AMHR2: variants seen among roughly 807,000 people sequenced by gnomAD.
AMHR2 encodes anti-Muellerian hormone type-2 receptor.
AMHR2 carries 36 observed loss-of-function variants against 61.4 expected under a neutral mutation model. That is an observed-to-expected ratio of 0.59 (90% confidence interval 0.45 to 0.77). AMHR2 has a LOEUF of 0.77. Among genes scored for constraint, AMHR2 ranks in the 30% least tolerant of loss-of-function variants. AMHR2 has a pLI of 0.00. For missense variants in AMHR2, 638 were observed against 714.6 expected (o/e 0.89, Z 1.22); for synonymous variants, 258 against 279.4 (o/e 0.92, Z 0.76).
chr12:53,430,790 T>G, intron 10 of AMHR2: 1 of 365,538 alleles, frequency 2.7e-6, no homozygotes, highest in South Asian at 2.9e-5. Flanking sequence ...ACAAATACTT[T>G]TTTAACAAAA....
Position 53,425,571 on chromosome 12 carries a change from C to A in AMHR2, c.619C>A (p.Gln207Lys), listed in dbSNP as rs749153412. The A allele has an allele frequency of 1.2e-6, 2 of 1,613,750 alleles. No homozygotes were observed. Among genetic ancestry groups the A allele is most frequent in the Admixed American group, 3.3e-5 (2 of 59,986 alleles). The change falls in exon 5 of 11, where the codon CAG (glutamine) becomes AAG (lysine). Residue 207 changes from glutamine to lysine, a missense_variant and splice_region_variant. Coordinates refer to ENST00000257863, the MANE Select transcript of AMHR2 (RefSeq NM_020547.3). The part of the protein sequence containing the change: ...LQELPELCFS[Q>K]VIREGGHAVV... The stretch of plus-strand genomic sequence containing the variant: ...GGAGCTGCCTGAGCTGTGTTTCTCC[C>A]AGGTGCCCCAGGGAGGGAGAGAAGG...
chr12:53,425,198 G>A lies in AMHR2; in HGVS notation c.458G>A (p.Gly153Glu), dbSNP rs1203379852. The A allele has an allele frequency of 1.9e-6, 3 of 1,613,696 alleles. No individual in the cohort carries two copies. The highest frequency in any genetic ancestry group is 3.3e-5 in the Admixed American group (2 of 59,980). ...ESIWMALVLL[G>E]LFLLLLLLLG... ...ATCTGGATGGCACTGGTGCTGCTGG[G>A]GCTGTTCCTCCTCCTCCTGCTGCTG... is the stretch of plus-strand genomic sequence containing the variant. Residue 153 changes from glycine (G) to glutamate (E), a missense_variant, in exon 4 of 11, where the codon GGG (glycine) becomes GAG (glutamate). Physicochemically the swap from Gly to Glu is moderately conservative, Grantham distance 98. Coordinates refer to ENST00000257863, the MANE Select transcript of AMHR2 (RefSeq NM_020547.3).
chr12:53,425,027 G>A lies in AMHR2; in HGVS notation c.424+127G>A, dbSNP rs1032233956. On this transcript the variant is annotated intron_variant, in intron 3 of 10. Coordinates refer to ENST00000257863, the MANE Select transcript of AMHR2 (RefSeq NM_020547.3). ...TCCTCCTCCTGGCCTTGGGAAGTTG[G>A]TTGCCCTGGTGACTGGGAGATAAGG... The A allele has an allele frequency of 3.2e-6, 5 of 1,574,796 alleles. No homozygotes were observed. In the African/African-American group the frequency reaches 5.4e-5, roughly 17 times the overall value.
intron 5 of AMHR2, 27 bp from the exon 6 acceptor site, chr12:53,425,662 C>T (rs1041369932): frequency 6.2e-6 from 10 of 1,613,244 alleles, no homozygotes; most frequent in Non-Finnish European, 7.6e-6. Context: ...GCTCAGAGGC[C>T]CACACTCAGC....
At position 53,429,485 on chromosome 12, in the gene AMHR2, CT is replaced by C. The variant is rs776364027; in HGVS notation, c.1001del (p.Leu334ArgfsTer88). 1.2e-6 allele frequency: 2 copies of C among 1,613,680 alleles called. No homozygotes were observed. Among genetic ancestry groups the C allele is most frequent in the Non-Finnish European group, 1.7e-6 (2 of 1,179,986 alleles). ...QYKPGIAHRD[L>X]SSQNVLIRED... The stretch of plus-strand genomic sequence containing the variant: ...TAAACCAGGTATTGCCCACCGAGAT[CT>C]GAGCAGCCAGAATGTGCTCATTCGG... On this transcript the variant is annotated frameshift_variant, in exon 8 of 11. Transcript: ENST00000257863. LOFTEE classifies it high-confidence loss of function.
At position 53,431,387 on chromosome 12, in the gene AMHR2, C is replaced by T. The variant is rs1200415984; in HGVS notation, c.1636C>T (p.Pro546Ser). The T allele has an allele frequency of 1.2e-6, 2 of 1,614,252 alleles. No individual in the cohort carries two copies. The highest frequency in any genetic ancestry group is 2.2e-5 in the South Asian group (2 of 91,082). ...TGCCCCTACCATCCTCCCCTGTAGG[C>T]CTCAGCGGAGTGCCTGCCACTTCAG... Reference protein sequence around the residue: ...IPAPTILPCRPQRSACHFSVQ... With the variant: ...IPAPTILPCRSQRSACHFSVQ... The change falls in exon 11 of 11, where the codon CCT becomes TCT. Residue 546 changes from proline (P) to serine (S), a missense_variant. Physicochemically the swap from Pro to Ser is moderately conservative, Grantham distance 74. Transcript: ENST00000257863.
chr12:53,431,191 G>A lies in AMHR2; in HGVS notation c.1440G>A (p.Leu480=). ...WRCFATDPDG[L]RELLEDCWDA... ...ATTCCCCCCAGGACCCTGATGGGCT[G>A]AGGGAGCTCCTAGAAGACTGTTGGG... The change falls in exon 11 of 11, where the codon CTG becomes CTA. Residue 480 remains leucine, a synonymous_variant. Coordinates refer to ENST00000257863, the MANE Select transcript of AMHR2 (RefSeq NM_020547.3). 1 of 1,614,194 alleles carries A rather than the reference G, an allele frequency of 6.2e-7. No individual in the cohort carries two copies. The highest frequency in any genetic ancestry group is 1.1e-5 in the South Asian group (1 of 91,088).
At chr12:53,426,020 G>C (rs746197350) in intron 6 of AMHR2, 101 bp downstream of exon 6, 9 of 1,209,738 alleles carry the variant, frequency 7.4e-6, no homozygotes, top group Non-Finnish European at 1.1e-5. Context: ...TTCTGCTTTC[G>C]ATTTTCTCTT....
intron 6 of AMHR2, 56 bp downstream of exon 6, chr12:53,425,975 TG>T: frequency 6.5e-7 from 1 of 1,530,236 alleles, no homozygotes. Flanking sequence ...TGTATAGAGG[TG>T]GGGGCTACAT....
chr12:53,425,106 G>A, intron 3 of AMHR2, 59 bp from the exon 4 acceptor site: 1 of 1,609,972 alleles, frequency 6.2e-7, no homozygotes, highest in Non-Finnish European at 8.5e-7. Context: ...AGGAGGGGAA[G>A]AGCAGAGAGC....
At chr12:53,425,068 G>T (rs1341287283) in intron 3 of AMHR2, 97 bp from the exon 4 acceptor site, 3 of 1,599,964 alleles carry the variant, frequency 1.9e-6, no homozygotes, top group Non-Finnish European at 2.5e-6. Context: ...TGTGACCAGG[G>T]TGGGGGTGGG....
intron 2 of AMHR2, 82 bp downstream of exon 2, chr12:53,424,552 A>AG: frequency 6.4e-7 from 1 of 1,569,690 alleles, no homozygotes; most frequent in Non-Finnish European, 8.7e-7. Context: ...CCAAGGGGGA[A>AG]GGGGAGAAAT....
In AMHR2 at chr12:53,431,291, A is replaced by G; in HGVS notation, c.1540A>G (p.Ser514Gly). Residue 514 changes from serine to glycine, a missense_variant, in exon 11 of 11, where the codon AGC (serine) becomes GGC (glycine). Physicochemically the swap from Ser to Gly is moderately conservative, Grantham distance 56. Coordinates refer to ENST00000257863, the MANE Select transcript of AMHR2 (RefSeq NM_020547.3). ...RLAALAHPQE[S>G]HPFPESCPRG... is the part of the protein sequence containing the mutation. Reference sequence around the variant, plus strand: ...GGCTGCCTTGGCCCATCCTCAAGAGAGCCACCCCTTTCCAGAGAGCTGTCC... The same window carrying G: ...GGCTGCCTTGGCCCATCCTCAAGAGGGCCACCCCTTTCCAGAGAGCTGTCC... 1 of 1,614,156 alleles carries G rather than the reference A, an allele frequency of 6.2e-7. No homozygotes were observed. The highest frequency in any genetic ancestry group is 8.5e-7 in the Non-Finnish European group (1 of 1,180,042).
At chr12:53,424,667 G>GC (rs760223795) in intron 2 of AMHR2, 42 bp from the exon 3 acceptor site, 14 of 1,593,308 alleles carry the variant, frequency 8.8e-6, no homozygotes, top group Admixed American at 6.8e-5. Context: ...TTTCTTCCTT[G>GC]CCCCCCCTTT....
At chr12:53,430,475 A>T in intron 10 of AMHR2, 193 bp downstream of exon 10, 1 of 816,200 alleles carries the variant, frequency 1.2e-6, no homozygotes, top group African/African-American at 1.7e-5. Flanking sequence ...TAAGTCTCAC[A>T]CAGTCGATTC....
chr12:53,429,996 A>G lies in AMHR2; in HGVS notation c.1288+18A>G, dbSNP rs1939971057. ...GAGGCCTGGTAAGGATGGGTGGTACAGTCCCCTCTCCTGGGCTCCCCCCCG... is the reference window on the plus strand; with the variant it reads ...GAGGCCTGGTAAGGATGGGTGGTACGGTCCCCTCTCCTGGGCTCCCCCCCG... On this transcript the variant is annotated intron_variant, in intron 9 of 10. Coordinates refer to ENST00000257863, the MANE Select transcript of AMHR2 (RefSeq NM_020547.3). 1 of 1,614,162 alleles carries G rather than the reference A, an allele frequency of 6.2e-7. No individual in the cohort carries two copies. The highest frequency in any genetic ancestry group is 1.1e-5 in the South Asian group (1 of 91,088).
rs775889926 is a variant in AMHR2 at position 53,430,230 on chromosome 12, T to C, written c.1373T>C (p.Val458Ala). The stretch of plus-strand genomic sequence containing the variant: ...TCTGATGAGCTATGGGCCTTGGCAG[T>C]GCAGGAGAGGAGGCGTCCCTACATC... Reference protein sequence around the residue: ...PTSDELWALAVQERRRPYIPS... With the variant: ...PTSDELWALAAQERRRPYIPS... The change falls in exon 10 of 11, where the codon GTG becomes GCG. Residue 458 changes from valine to alanine, a missense_variant. Transcript: ENST00000257863. 7.4e-6 allele frequency: 12 copies of C among 1,614,194 alleles called. No individual in the cohort carries two copies. The Admixed American group carries it at 2.0e-4, about 27-fold the overall frequency.
chr12:53,428,909 A>T lies in AMHR2; in HGVS notation c.866A>T (p.His289Leu). 1 of 1,551,570 alleles carries T rather than the reference A, an allele frequency of 6.4e-7. No homozygotes were observed. Among genetic ancestry groups the T allele is most frequent in the South Asian group, 1.2e-5 (1 of 84,048 alleles). The change falls in exon 7 of 11, where the codon CAC becomes CTC. Residue 289 changes from histidine (H) to leucine (L), a missense_variant. His to Leu is a moderately conservative substitution (Grantham distance 99). Transcript: ENST00000257863. ...GCGTTTCCCCAGGGCTCCCTGTGCC[A>T]CTACTTGACCCAGTACACCAGTGAC... ...LELHPKGSLC[H>L]YLTQYTSDWG...
intron 3 of AMHR2, 58 bp downstream of exon 3, chr12:53,424,958 G>A: frequency 6.4e-7 from 1 of 1,573,786 alleles, no homozygotes; most frequent in South Asian, 1.1e-5. Context: ...TAGGATGAGA[G>A]GTGGAACCAG....
Sources: allele counts gnomAD v4.1 joint callset, GRCh38; gene constraint gnomAD v4.1.1; transcripts MANE v1.5; gene names NCBI Gene and HGNC (gene_info 2026-07-23, HGNC 2026-07-21).